Variants in SH3PXD2A observed in about 807,000 individuals in gnomAD.
The protein encoded by SH3PXD2A is SH3 and PX domain-containing protein 2A.
In SH3PXD2A, 32 loss-of-function variants were observed where a neutral mutation model predicts 115.2. That is an observed-to-expected ratio of 0.28 (90% CI 0.21 to 0.37). SH3PXD2A has a LOEUF of 0.37. Ranked by LOEUF, SH3PXD2A falls within the 10% of genes least tolerant of loss-of-function variation. The pLI is 1.00. For synonymous variants in SH3PXD2A, 610 were observed against 629.1 expected (o/e 0.97, Z 0.45); for missense variants, 1,328 against 1,498.7 (o/e 0.89, Z 1.88).
At chr10:103,763,739 A>G (rs1424419108) in intron 3 of SH3PXD2A, among the ~76,000 whole-genome samples, 2 of 152,176 alleles carry the variant, frequency 1.3e-5, no homozygotes, top group East Asian at 3.8e-4. Context: ...CCCCTTCTTC[A>G]GATGCATGCC....
chr10:103,707,185 C>A (rs1433794649), intron 5 of SH3PXD2A, among the ~76,000 whole-genome samples: 1 of 150,196 alleles, frequency 6.7e-6, no homozygotes, highest in African/African-American at 2.5e-5. Flanking sequence ...CTAGCCATGG[C>A]ACTATATATT....
At chr10:103,674,721 G>A (rs771100288) in intron 6 of SH3PXD2A, among the ~76,000 whole-genome samples, 23 of 152,148 alleles carry the variant, frequency 1.5e-4, no homozygotes, top group Non-Finnish European at 3.1e-4. Context: ...TCAGGAGGCT[G>A]AGGCAGGAAA....
At chr10:103,846,221 C>G (rs1842847268) in intron 1 of SH3PXD2A, among the ~76,000 whole-genome samples, 1 of 152,274 alleles carries the variant, frequency 6.6e-6, no homozygotes, top group South Asian at 2.1e-4. Context: ...GAAAGCAGCC[C>G]AGTGGAGTGG....
chr10:103,854,732 A>G (rs1842924743), intron 1 of SH3PXD2A, among the ~76,000 whole-genome samples: 1 of 152,130 alleles, frequency 6.6e-6, no homozygotes, highest in African/African-American at 2.4e-5. Context: ...CCCCAGGCCT[A>G]GGAAGGCAGA....
intron 2 of SH3PXD2A, among the ~76,000 whole-genome samples, chr10:103,786,569 A>C (rs2038983111): frequency 6.6e-6 from 1 of 152,182 alleles, no homozygotes; most frequent in African/African-American, 2.4e-5. Flanking sequence ...CAGGAAGCTG[A>C]GCTGAGAGGA....
intron 1 of SH3PXD2A, among the ~76,000 whole-genome samples, chr10:103,833,200 A>C (rs2087450717): frequency 6.6e-6 from 1 of 152,206 alleles, no homozygotes; most frequent in South Asian, 2.1e-4. Flanking sequence ...TCTAAGCATT[A>C]TTTTAGCCTG....
chr10:103,700,984 C>T (rs531649642), intron 5 of SH3PXD2A, among the ~76,000 whole-genome samples: 2 of 144,492 alleles, frequency 1.4e-5, no homozygotes, highest in African/African-American at 5.1e-5. Context: ...TCCATCCATC[C>T]ATCATCCATT....
chr10:103,770,740 G>A (rs1005156855), intron 2 of SH3PXD2A, among the ~76,000 whole-genome samples: 1 of 152,252 alleles, frequency 6.6e-6, no homozygotes, highest in Non-Finnish European at 1.5e-5. Flanking sequence ...GACCAGCTCC[G>A]GGGCTCTGCT....
At chr10:103,748,549 G>T (rs1270443849) in intron 3 of SH3PXD2A, among the ~76,000 whole-genome samples, 1 of 152,240 alleles carries the variant, frequency 6.6e-6, no homozygotes, top group Non-Finnish European at 1.5e-5. Flanking sequence ...AAAGGATACT[G>T]TGTATGGGCA....
Position 103,627,889 on chromosome 10 carries a change from C to T in SH3PXD2A, c.605-687G>A, listed in dbSNP as rs1307208342. ...CTTTGGTCCCTTCCGAGAAGGTCCTCTTCACACGGTCCTGTCTTCCTCCTC... is the reference window on the plus strand; with the variant it reads ...CTTTGGTCCCTTCCGAGAAGGTCCTTTTCACACGGTCCTGTCTTCCTCCTC... On this transcript the variant is annotated intron_variant, in intron 8 of 14. Transcript: ENST00000369774. The surrounding 1 kb of genome is among the most constrained non-coding windows in gnomAD (Gnocchi z 4.4). Among the ~76,000 whole-genome samples, 2 of 152,246 alleles carry T rather than the reference C, an allele frequency of 1.3e-5. No individual in the cohort carries two copies. The highest frequency in any genetic ancestry group is 3.8e-4 in the East Asian group (2 of 5,200).
chr10:103,680,014 C>G (rs2037588268), intron 6 of SH3PXD2A, among the ~76,000 whole-genome samples: 1 of 152,270 alleles, frequency 6.6e-6, no homozygotes, highest in East Asian at 1.9e-4. Flanking sequence ...GAGTCTCGCT[C>G]TGTCACCCAG....
intron 13 of SH3PXD2A, among the ~76,000 whole-genome samples, chr10:103,607,517 G>A (rs1294254058): frequency 2.6e-5 from 4 of 151,162 alleles, no homozygotes; most frequent in African/African-American, 9.7e-5. Flanking sequence ...CGCCCCGTCC[G>A]GGAGGGAGGT....
intron 8 of SH3PXD2A, among the ~76,000 whole-genome samples, chr10:103,632,476 A>G (rs1285666905): frequency 1.3e-5 from 2 of 152,190 alleles, no homozygotes; most frequent in African/African-American, 4.8e-5. Flanking sequence ...GGGTGGGGTC[A>G]GCGCAGGGAA....
Position 103,594,240 on chromosome 10 carries a change from T to C in SH3PXD2A, c.*7576A>G, listed in dbSNP as rs926421072. The C allele has an allele frequency of 2.6e-5, 4 of 152,742 alleles. No homozygotes were observed. The highest frequency in any genetic ancestry group is 2.1e-4 in the South Asian group (1 of 4,816). 9.5% of individuals were successfully genotyped at this position (152,742 alleles called of 1,614,324 possible). A position where few individuals can be genotyped will look rare whatever the true frequency, so the allele number is the denominator to read the frequency against. On this transcript the variant is annotated 3_prime_UTR_variant, in exon 15 of 15. Transcript: ENST00000369774. ...TCCCTTCCCCAAGGGCACTGCATTT[T>C]TGTGATGAGATTAAAAACAAACCAA...
At chr10:103,801,542 T>TACAC (rs148335179) in intron 1 of SH3PXD2A, among the ~76,000 whole-genome samples, 180 bp from the exon 2 acceptor site, 3,296 of 142,900 alleles carry the variant, frequency 0.023, 148 homozygotes, top group African/African-American at 0.076. Flanking sequence ...TATGTCTAAA[T>TACAC]ACACACACAC....
At chr10:103,825,384 G>A (rs1172558083) in intron 1 of SH3PXD2A, among the ~76,000 whole-genome samples, 1 of 152,196 alleles carries the variant, frequency 6.6e-6, no homozygotes, top group Non-Finnish European at 1.5e-5. Flanking sequence ...GCAGGGAGGA[G>A]GGAAAGGGGA....
chr10:103,777,814 C>A (rs1285565549), intron 2 of SH3PXD2A, among the ~76,000 whole-genome samples: 2 of 152,140 alleles, frequency 1.3e-5, no homozygotes, highest in African/African-American at 4.8e-5. Flanking sequence ...TGCTGGGCAA[C>A]TGGGGCAAAT....
At chr10:103,681,752 A>ACACACG (rs398054664) in intron 6 of SH3PXD2A, among the ~76,000 whole-genome samples, 5,991 of 132,050 alleles carry the variant, frequency 0.045, 352 homozygotes, top group African/African-American at 0.14. Context: ...ACACACACAC[A>ACACACG]CGCGCCCGCG....
At chr10:103,698,464 G>T (rs2134138571) in intron 5 of SH3PXD2A, among the ~76,000 whole-genome samples, 1 of 152,358 alleles carries the variant, frequency 6.6e-6, no homozygotes, top group South Asian at 2.1e-4. Context: ...GGGGCCTACA[G>T]CCACTGGGAA....
Sources: allele counts gnomAD v4.1 joint callset (sites outside exome capture counted in the v4.1 genomes callset), GRCh38; gene constraint gnomAD v4.1.1; non-coding constraint Gnocchi (gnomAD v3.1); transcripts MANE v1.5; gene names NCBI Gene and HGNC (gene_info 2026-07-23, HGNC 2026-07-21).